LRP1B: variants seen among roughly 807,000 people sequenced by gnomAD.
The protein encoded by LRP1B is low-density lipoprotein receptor-related protein 1B.
Under a neutral mutation model 556.6 loss-of-function variants are expected in LRP1B, and 217 were observed. That is an observed-to-expected ratio of 0.39 (90% CI 0.35 to 0.44). LRP1B has a LOEUF of 0.44. Among genes scored for constraint, LRP1B ranks in the 20% least tolerant of loss-of-function variants. The pLI is 1.00. For missense variants in LRP1B, 5,053 were observed against 5,620.8 expected, an observed-to-expected ratio of 0.90 and a Z score of 3.23; for synonymous variants, 2,047 against 1,865.8, an observed-to-expected ratio of 1.10 and a Z score of -2.50.
rs148848707 is a variant in LRP1B, at chr2:140,233,310, T to C, written c.13676A>G (p.Asn4559Ser). 2.0e-3 allele frequency: 3,151 copies of C among 1,589,746 alleles called. 2 individuals carry two copies. The highest frequency in any genetic ancestry group is 2.4e-3 in the Non-Finnish European group (2,848 of 1,167,930). ...PLTAGPTNYSNPVYAKLYMDG... is the reference protein window; with the variant it reads ...PLTAGPTNYSSPVYAKLYMDG... ...CATATATAATTTTGCATATACCGGA[T>C]TGGAGTAATTTGTTGGCTGAAGGAG... The change falls in exon 91 of 91, where the codon AAT becomes AGT. Residue 4559 changes from asparagine (N) to serine (S), a missense_variant. Asn to Ser is a conservative substitution (Grantham distance 46). This residue lies in a region of LRP1B where 551 missense variants were observed against 592.0 expected (regional missense o/e 0.93). Coordinates refer to ENST00000389484, the MANE Select transcript of LRP1B (RefSeq NM_018557.3).
intron 42 of LRP1B, among the ~76,000 whole-genome samples, chr2:140,601,224 A>G (rs185673786): frequency 6.6e-6 from 1 of 152,010 alleles, no homozygotes; most frequent in East Asian, 1.9e-4. Context: ...TAATTATTTA[A>G]ATTTGTTTTT....
At chr2:140,388,691 G>C (rs890760909) in intron 66 of LRP1B, among the ~76,000 whole-genome samples, 1 of 152,132 alleles carries the variant, frequency 6.6e-6, no homozygotes, top group African/African-American at 2.4e-5. Context: ...GCATTGTTCT[G>C]CACTTCAAAC....
intron 63 of LRP1B, among the ~76,000 whole-genome samples, chr2:140,445,764 A>C (rs1392339538): frequency 6.6e-6 from 1 of 152,160 alleles, no homozygotes; most frequent in Non-Finnish European, 1.5e-5. Flanking sequence ...AAATTTACTG[A>C]ATATGAATAA....
At chr2:140,746,131 T>C (rs769004520) in intron 35 of LRP1B, among the ~76,000 whole-genome samples, 1 of 152,128 alleles carries the variant, frequency 6.6e-6, no homozygotes, top group Non-Finnish European at 1.5e-5. Flanking sequence ...TGATTCATGA[T>C]AAATTTCATA....
intron 66 of LRP1B, among the ~76,000 whole-genome samples, chr2:140,434,982 A>T (rs1010909798): frequency 2.6e-5 from 4 of 152,128 alleles, no homozygotes; most frequent in African/African-American, 9.7e-5. Flanking sequence ...TTGAGAAAAA[A>T]CATTAGAATC....
intron 5 of LRP1B, among the ~76,000 whole-genome samples, chr2:141,235,431 T>C (rs1413734502): frequency 6.6e-6 from 1 of 152,108 alleles, no homozygotes; most frequent in Non-Finnish European, 1.5e-5. Flanking sequence ...TCTCATTGAG[T>C]TTCAAAGAAT....
intron 3 of LRP1B, among the ~76,000 whole-genome samples, chr2:141,388,868 C>T (rs937403918): frequency 4.6e-5 from 7 of 151,734 alleles, no homozygotes; most frequent in African/African-American, 1.7e-4. Flanking sequence ...TAGCAATAAA[C>T]AAAAATAATT....
intron 3 of LRP1B, among the ~76,000 whole-genome samples, chr2:141,266,398 G>T (rs1193612310): frequency 6.6e-6 from 1 of 150,942 alleles, no homozygotes; most frequent in Non-Finnish European, 1.5e-5. Flanking sequence ...TTCTTGTCTG[G>T]AAATTTCAAT....
At chr2:141,474,327 TGGTGAA>T (rs1682619104) in intron 3 of LRP1B, among the ~76,000 whole-genome samples, 1 of 152,196 alleles carries the variant, frequency 6.6e-6, no homozygotes, top group Non-Finnish European at 1.5e-5. Context: ...AATTTTCCCA[TGGTGAA>T]TCATTACAGA....
chr2:141,029,095 C>T (rs1391925576), intron 11 of LRP1B, among the ~76,000 whole-genome samples: 1 of 152,080 alleles, frequency 6.6e-6, no homozygotes, highest in Non-Finnish European at 1.5e-5. Flanking sequence ...GACACAGAAA[C>T]ATGTGCAAAA....
At chr2:141,059,623 T>A (rs1218770073) in intron 8 of LRP1B, among the ~76,000 whole-genome samples, 1 of 151,850 alleles carries the variant, frequency 6.6e-6, no homozygotes, top group Non-Finnish European at 1.5e-5. Context: ...TAAATAAATG[T>A]CAACATTTCA....
Position 141,136,376 on chromosome 2 carries a change from T to G in LRP1B, c.1013+52045A>C, listed in dbSNP as rs373900171. 5.9e-5 allele frequency among the ~76,000 whole-genome samples: 9 copies of G among 151,856 alleles called. No individual in the cohort carries two copies. The East Asian group carries it at 1.5e-3, about 26-fold the overall frequency. On this transcript the variant is annotated intron_variant, in intron 7 of 90. Transcript: ENST00000389484. ...GAATTGCAAAGTTTGCATATGAAAA[T>G]CAGATTCCTAAGTTGCACAGTAATA...
chr2:141,543,858 T>C (rs376327230), intron 2 of LRP1B, among the ~76,000 whole-genome samples: 6 of 152,098 alleles, frequency 3.9e-5, no homozygotes, highest in Admixed American at 1.3e-4. Context: ...AGGAAGTCCA[T>C]GGTGCAAGGT....
intron 2 of LRP1B, among the ~76,000 whole-genome samples, chr2:141,626,424 C>T (rs967436890): frequency 1.3e-5 from 2 of 152,126 alleles, no homozygotes; most frequent in African/African-American, 4.8e-5. Context: ...AGATACAGCA[C>T]TAAAGACACC....
At chr2:140,583,177 T>TTCC (rs1681847263) in intron 43 of LRP1B, among the ~76,000 whole-genome samples, 1 of 142,140 alleles carries the variant, frequency 7.0e-6, no homozygotes, top group African/African-American at 2.6e-5. Flanking sequence ...TTTTCTTTTT[T>TTCC]TTTTTTTTTT....
At chr2:141,518,705 T>C (rs1258462998) in intron 2 of LRP1B, among the ~76,000 whole-genome samples, 2 of 151,966 alleles carry the variant, frequency 1.3e-5, no homozygotes, top group Admixed American at 1.3e-4. Context: ...TCCCAACACT[T>C]TGGGACGCCG....
chr2:141,219,579 G>A (rs1682951643), intron 6 of LRP1B, among the ~76,000 whole-genome samples: 1 of 152,174 alleles, frequency 6.6e-6, no homozygotes, highest in Non-Finnish European at 1.5e-5. Context: ...CAGACAAGGG[G>A]CAGCCAAGCT....
chr2:142,038,540 T>C (rs1454775849), intron 1 of LRP1B, among the ~76,000 whole-genome samples: 1 of 151,594 alleles, frequency 6.6e-6, no homozygotes, highest in Non-Finnish European at 1.5e-5. Context: ...ATTATTTATG[T>C]CACTTAACAG....
At chr2:142,038,863 T>A (rs1371413183) in intron 1 of LRP1B, among the ~76,000 whole-genome samples, 1 of 151,612 alleles carries the variant, frequency 6.6e-6, no homozygotes. Context: ...TATTGAATAG[T>A]AGAAAAGACT....
Sources: gnomAD v4.1 joint callset for allele counts (sites outside exome capture counted in the v4.1 genomes callset) on GRCh38, gnomAD v4.1.1 for gene constraint, gnomAD v4.1.1 regional missense constraint, MANE v1.5 for transcripts, NCBI Gene and HGNC (gene_info 2026-07-23, HGNC 2026-07-21) for gene names.